Variants in CISD1 observed in about 807,000 individuals in gnomAD.
CISD1 encodes the protein CDGSH iron-sulfur domain-containing protein 1.
In CISD1, 8 loss-of-function variants were observed where a neutral mutation model predicts 12.0. The ratio of observed to expected loss-of-function variants is 0.67; its 90% confidence interval spans 0.39 to 1.20. CISD1 has a LOEUF of 1.20. CISD1 is among the 50% of genes most tolerant of loss of function. The pLI is 0.01. For missense variants in CISD1, 107 were observed against 132.7 expected (o/e 0.81, Z 0.95); for synonymous variants, 38 against 42.2 (o/e 0.90, Z 0.39).
intron 2 of CISD1, among the ~76,000 whole-genome samples, chr10:58,281,377 T>C (rs2132282570): frequency 6.6e-6 from 1 of 152,344 alleles, no homozygotes; most frequent in East Asian, 1.9e-4. Flanking sequence ...TTTTTCCCCC[T>C]CTGGCTTATC....
At chr10:58,273,952 G>A (rs1419590943) in intron 1 of CISD1, among the ~76,000 whole-genome samples, 1 of 152,132 alleles carries the variant, frequency 6.6e-6, no homozygotes, top group Non-Finnish European at 1.5e-5. Flanking sequence ...TGGCCAACAT[G>A]GTGAAACCCC....
intron 2 of CISD1, among the ~76,000 whole-genome samples, chr10:58,284,838 A>T (rs994682521): frequency 6.6e-6 from 1 of 152,194 alleles, no homozygotes; most frequent in Non-Finnish European, 1.5e-5. Flanking sequence ...GTTATTTAGA[A>T]ATATTTCATT....
At chr10:58,270,507 G>A (rs1839233554) in intron 1 of CISD1, among the ~76,000 whole-genome samples, 1 of 152,094 alleles carries the variant, frequency 6.6e-6, no homozygotes, top group Non-Finnish European at 1.5e-5. Context: ...TGTGACTTGT[G>A]CCGCTGATAT....
At chr10:58,278,812 AC>A (rs1185390991) in intron 2 of CISD1, among the ~76,000 whole-genome samples, 4 of 152,302 alleles carry the variant, frequency 2.6e-5, no homozygotes, top group Non-Finnish European at 5.9e-5. Context: ...AAAATTCCAT[AC>A]CTGACCTCAT....
rs371715015 is a variant in CISD1 at position 58,269,244 on chromosome 10, T to C, written c.-30T>C. ...GCGAACCCGTTTGAGCTCGGTATCC[T>C]AGTGCACACGCCTTGCAAGCGACGG... On this transcript the variant is annotated 5_prime_UTR_variant, in exon 1 of 3. Coordinates refer to ENST00000333926, the MANE Select transcript of CISD1 (RefSeq NM_018464.5). The C allele has an allele frequency of 2.5e-6, 4 of 1,605,994 alleles. No individual in the cohort carries two copies. The African/African-American group carries it at 4.0e-5, about 16-fold the overall frequency.
intron 1 of CISD1, among the ~76,000 whole-genome samples, chr10:58,276,615 T>A (rs1233782330): frequency 6.6e-6 from 1 of 151,826 alleles, no homozygotes. Context: ...TCTGTGATAG[T>A]TGCAATTGAG....
At chr10:58,280,065 T>A (rs954932968) in intron 2 of CISD1, among the ~76,000 whole-genome samples, 1 of 152,036 alleles carries the variant, frequency 6.6e-6, no homozygotes, top group Non-Finnish European at 1.5e-5. Context: ...CTGAGAAAAA[T>A]TGGTAACATT....
At chr10:58,281,960 T>C in intron 2 of CISD1, among the ~76,000 whole-genome samples, 1 of 134,676 alleles carries the variant, frequency 7.4e-6, no homozygotes, top group South Asian at 2.7e-4. Flanking sequence ...TTGGCTTGGC[T>C]TTTTTTTTTT....
At chr10:58,274,440 C>CTTTTTTT (rs34405014) in intron 1 of CISD1, among the ~76,000 whole-genome samples, 1 of 79,134 alleles carries the variant, frequency 1.3e-5, no homozygotes, top group South Asian at 5.0e-4. Context: ...AAAATAACAA[C>CTTTTTTT]TTTTTTTTTT....
intron 2 of CISD1, among the ~76,000 whole-genome samples, chr10:58,286,070 T>C (rs1472043080): frequency 6.6e-6 from 1 of 151,500 alleles, no homozygotes; most frequent in East Asian, 1.9e-4. Flanking sequence ...CCGGGCGTAG[T>C]GGCGGGCGCC....
Position 58,289,228 on chromosome 10 carries a change from G to T in CISD1, c.*1578G>T, listed in dbSNP as rs1281088693. ...GCAATCATGCTTTTAAAGATGAACT[G>T]TTTTAAAGAAAAATAAATGCATCAA... is the stretch of plus-strand genomic sequence containing the variant. On this transcript the variant is annotated 3_prime_UTR_variant, in exon 3 of 3. Transcript: ENST00000333926. 1 of 152,248 alleles carries T rather than the reference G, an allele frequency of 6.6e-6. No individual in the cohort carries two copies. The highest frequency in any genetic ancestry group is 2.1e-4 in the South Asian group (1 of 4,828). The allele number at this position is 152,248 out of a possible 1,614,324, so 9.4% of individuals were successfully genotyped here. A position where few individuals can be genotyped will look rare whatever the true frequency, so the allele number is the denominator to read the frequency against.
At chr10:58,279,740 T>G (rs1302147386) in intron 2 of CISD1, among the ~76,000 whole-genome samples, 1 of 152,196 alleles carries the variant, frequency 6.6e-6, no homozygotes, top group Non-Finnish European at 1.5e-5. Flanking sequence ...TATATATGCA[T>G]GCGTGAGAAA....
At position 58,283,493 on chromosome 10, in the gene CISD1, C is replaced by T. The variant is rs144931288; in HGVS notation, c.238-4068C>T. ...GGTAATGAGCCAAAATGGTGCCAGG[C>T]AACTTCCTTGGGACAGAAAATCAAA... On this transcript the variant is annotated intron_variant, in intron 2 of 2. Transcript: ENST00000333926. 6.2e-4 allele frequency among the ~76,000 whole-genome samples: 95 copies of T among 152,248 alleles called. No individual in the cohort carries two copies. In the East Asian group the frequency reaches 0.017, roughly 28 times the overall value.
chr10:58,270,895 A>T (rs1839238873), intron 1 of CISD1, among the ~76,000 whole-genome samples: 1 of 152,090 alleles, frequency 6.6e-6, no homozygotes, highest in African/African-American at 2.4e-5. Flanking sequence ...ACAGAGTCTC[A>T]CTCAGTGGCC....
At chr10:58,281,832 C>A (rs1839377002) in intron 2 of CISD1, among the ~76,000 whole-genome samples, 1 of 152,178 alleles carries the variant, frequency 6.6e-6, no homozygotes, top group South Asian at 2.1e-4. Flanking sequence ...GGTTTCCCAA[C>A]CCTAATGAAT....
In CISD1 at chr10:58,283,605, G is replaced by A. The variant is rs1000943302; in HGVS notation, c.238-3956G>A. 2.0e-5 allele frequency among the ~76,000 whole-genome samples: 3 copies of A among 152,166 alleles called. No individual in the cohort carries two copies. In the East Asian group the frequency reaches 5.8e-4, roughly 29 times the overall value. ...GGTGGAAGAGATAAGTCAAAGAGGA[G>A]CATTTATTAAAACAGAGGCATAACT... On this transcript the variant is annotated intron_variant, in intron 2 of 2. Transcript: ENST00000333926.
Position 58,275,138 on chromosome 10 carries a change from G to A in CISD1, c.32-1979G>A, listed in dbSNP as rs144828296. Among the ~76,000 whole-genome samples, 620 of 152,230 alleles carry A rather than the reference G, an allele frequency of 4.1e-3. 3 individuals carry two copies. Among genetic ancestry groups the A allele is most frequent in the African/African-American group, 0.014 (577 of 41,534 alleles). On this transcript the variant is annotated intron_variant, in intron 1 of 2. Transcript: ENST00000333926. The stretch of plus-strand genomic sequence containing the variant: ...GGAAGTTGCGTTATTTTAGTCTTTT[G>A]GGATATTGCCCCCCTTTAAGTTTGT...
chr10:58,284,510 C>T (rs375743182), intron 2 of CISD1, among the ~76,000 whole-genome samples: 9 of 152,282 alleles, frequency 5.9e-5, no homozygotes, highest in African/African-American at 2.2e-4. Context: ...GCTTTATACA[C>T]TTTAATCGCA....
chr10:58,281,458 A>C (rs1271648797), intron 2 of CISD1, among the ~76,000 whole-genome samples: 1 of 152,106 alleles, frequency 6.6e-6, no homozygotes, highest in Non-Finnish European at 1.5e-5. Flanking sequence ...CATCTTGGGC[A>C]CTTATTCCTG....
Sources: allele counts gnomAD v4.1 joint callset (sites outside exome capture counted in the v4.1 genomes callset), GRCh38; gene constraint gnomAD v4.1.1; transcripts MANE v1.5; gene names NCBI Gene and HGNC (gene_info 2026-07-23, HGNC 2026-07-21).